The following CDC42 variants were observed in gnomAD, a reference collection of about 807,000 sequenced individuals.
CDC42 encodes cell division control protein 42 homolog.
A neutral mutation model predicts 20.8 loss-of-function variants in CDC42; 1 was observed. The observed-to-expected ratio is 0.05, with a 90% confidence interval of 0.02 to 0.23. CDC42 has a LOEUF of 0.23. Ranked by LOEUF, CDC42 falls within the 10% of genes least tolerant of loss-of-function variation. CDC42 has a pLI of 1.00. For missense variants in CDC42, 49 were observed against 227.9 expected (o/e 0.21, Z 5.05); for synonymous variants, 72 against 84.8 (o/e 0.85, Z 0.83).
chr1:22,066,639 A>AGG (rs1194310960), intron 1 of CDC42, among the ~76,000 whole-genome samples: 1 of 152,176 alleles, frequency 6.6e-6, no homozygotes, highest in Non-Finnish European at 1.5e-5. Flanking sequence ...GAGTGTAAGG[A>AGG]GGGAGGGTAC....
At chr1:22,085,124 C>T (rs1192665571) in intron 3 of CDC42, among the ~76,000 whole-genome samples, 1 of 150,870 alleles carries the variant, frequency 6.6e-6, no homozygotes, top group Non-Finnish European at 1.5e-5. Context: ...CCCAGCTACT[C>T]AGAAGGTGGA....
At chr1:22,053,154 GC>G (rs2152824583) in intron 1 of CDC42, 1 of 151,448 alleles carries the variant, frequency 6.6e-6, no homozygotes, top group Non-Finnish European at 1.5e-5. Flanking sequence ...GGGCGCTTGG[GC>G]CGGGCCGGGC....
chr1:22,076,307 CATT>C (rs1354749542), intron 1 of CDC42, among the ~76,000 whole-genome samples: 1 of 152,062 alleles, frequency 6.6e-6, no homozygotes, highest in Non-Finnish European at 1.5e-5. Flanking sequence ...TAAATACAAA[CATT>C]ATCCAGGCGT....
chr1:22,090,220 A>G (rs1645702297), intron 5 of CDC42: 1 of 1,278,030 alleles, frequency 7.8e-7, no homozygotes, highest in African/African-American at 1.5e-5. Context: ...TGTGATCAGT[A>G]GTCAAGTTGG....
In CDC42 at chr1:22,094,166, T is replaced by C. The variant is rs1645740218; in HGVS notation, c.*2649T>C. Among the ~76,000 whole-genome samples, 4 of 152,024 alleles carry C rather than the reference T, an allele frequency of 2.6e-5. No homozygotes were observed. Among genetic ancestry groups the C allele is most frequent in the South Asian group, 2.1e-4 (1 of 4,810 alleles). On this transcript the variant is annotated 3_prime_UTR_variant, in exon 6 of 6. Coordinates refer to ENST00000656825, the MANE Select transcript of CDC42 (RefSeq NM_001791.4). ...GTGATATTCTCCAGGGAGTATGATT[T>C]AGAGGCTGGAAAGGGTTATTGAAAA...
chr1:22,096,845 TAC>T lies in CDC42; in HGVS notation c.*5330_*5331del, dbSNP rs1557912342. On this transcript the variant is annotated 3_prime_UTR_variant, in exon 6 of 6. Transcript: ENST00000656825. ...TTTGGTTGCTACCTGCTAGAACTGT[TAC>T]AGTAAATACACAGATCTATTTTGTG... Among the ~76,000 whole-genome samples the T allele has an allele frequency of 6.6e-6, 1 of 152,258 alleles. No homozygotes were observed. The highest frequency in any genetic ancestry group is 1.9e-4 in the East Asian group (1 of 5,206).
At chr1:22,053,455 T>A (rs1377511732) in intron 1 of CDC42, 1 of 152,182 alleles carries the variant, frequency 6.6e-6, no homozygotes, top group African/African-American at 2.4e-5. Context: ...AGCATTTCCA[T>A]CCGCTCCTCC....
chr1:22,091,631 C>G lies in CDC42; in HGVS notation c.*114C>G. The stretch of plus-strand genomic sequence containing the variant: ...TTCGTTTTTGCAATAATGACAAATG[C>G]CCTGCACCTACCCACATGCACTCGT... On this transcript the variant is annotated 3_prime_UTR_variant, in exon 6 of 6. Coordinates refer to ENST00000656825, the MANE Select transcript of CDC42 (RefSeq NM_001791.4). 1.5e-6 allele frequency: 1 copy of G among 678,540 alleles called. No homozygotes were observed. The highest frequency in any genetic ancestry group is 2.5e-6 in the Non-Finnish European group (1 of 402,188). 42.0% of individuals were successfully genotyped at this position (678,540 alleles called of 1,614,324 possible).
At chr1:22,072,999 C>G (rs1012171898) in intron 1 of CDC42, among the ~76,000 whole-genome samples, 4 of 152,200 alleles carry the variant, frequency 2.6e-5, no homozygotes, top group Non-Finnish European at 5.9e-5. Context: ...TGCTGTCTCT[C>G]TGTGCCTAGA....
intron 2 of CDC42, among the ~76,000 whole-genome samples, chr1:22,079,837 G>A (rs1645590421): frequency 6.6e-6 from 1 of 152,044 alleles, no homozygotes; most frequent in Non-Finnish European, 1.5e-5. Flanking sequence ...TGATCTTCTG[G>A]TGTTATATTT....
intron 1 of CDC42, among the ~76,000 whole-genome samples, chr1:22,061,673 A>G (rs1328617861): frequency 2.1e-5 from 3 of 142,804 alleles, no homozygotes; most frequent in Non-Finnish European, 4.5e-5. Context: ...CCTCCTGAGT[A>G]GCTGGGATTA....
At chr1:22,090,430 T>A in intron 5 of CDC42, 1 of 997,074 alleles carries the variant, frequency 1.0e-6, no homozygotes. Flanking sequence ...CAATTGTTAA[T>A]TGTAATTGCA....
At chr1:22,068,575 T>C (rs551277127) in intron 1 of CDC42, 1 of 152,852 alleles carries the variant, frequency 6.5e-6, no homozygotes, top group East Asian at 1.9e-4. Context: ...AGCACTAATT[T>C]CTCAACCTCA....
intron 1 of CDC42, among the ~76,000 whole-genome samples, chr1:22,055,981 T>G (rs1645301174): frequency 1.4e-5 from 2 of 145,638 alleles, no homozygotes; most frequent in African/African-American, 2.5e-5. Context: ...TCCATGAAAA[T>G]ATCTCTCTGT....
At chr1:22,072,653 C>T (rs1488114634) in intron 1 of CDC42, among the ~76,000 whole-genome samples, 1 of 152,116 alleles carries the variant, frequency 6.6e-6, no homozygotes, top group Non-Finnish European at 1.5e-5. Context: ...GTCACTTTGC[C>T]TTTCTGGTGA....
intron 1 of CDC42, among the ~76,000 whole-genome samples, chr1:22,063,031 A>T (rs1388726839): frequency 6.6e-6 from 1 of 151,918 alleles, no homozygotes; most frequent in Non-Finnish European, 1.5e-5. Flanking sequence ...CTCCTAAAAC[A>T]CTGTTCATGG....
chr1:22,063,536 G>A (rs1569970397), intron 1 of CDC42, among the ~76,000 whole-genome samples: 1 of 152,156 alleles, frequency 6.6e-6, no homozygotes, highest in East Asian at 1.9e-4. Flanking sequence ...GATGTTTTAG[G>A]TCCTAACTTG....
chr1:22,055,985 T>C (rs893449239), intron 1 of CDC42, among the ~76,000 whole-genome samples: 9 of 150,462 alleles, frequency 6.0e-5, no homozygotes, highest in Non-Finnish European at 1.3e-4. Context: ...TGAAAATATC[T>C]CTCTGTATTA....
intron 1 of CDC42, among the ~76,000 whole-genome samples, chr1:22,061,870 G>T (rs963928169): frequency 1.3e-4 from 19 of 151,198 alleles, no homozygotes; most frequent in African/African-American, 4.4e-4. Context: ...CTAACTTGAT[G>T]TTTCTTAAAC....
Sources: gnomAD v4.1 joint callset for allele counts (sites outside exome capture counted in the v4.1 genomes callset) on GRCh38, gnomAD v4.1.1 for gene constraint, MANE v1.5 for transcripts, NCBI Gene and HGNC (gene_info 2026-07-23, HGNC 2026-07-21) for gene names.